Variants in TNFRSF21 observed in about 807,000 individuals in gnomAD.
TNFRSF21 encodes the protein tumor necrosis factor receptor superfamily member 21.
In TNFRSF21, 19 loss-of-function variants were observed where a neutral mutation model predicts 45.6. That is an observed-to-expected ratio of 0.42 (90% CI 0.29 to 0.61). The LOEUF (loss-of-function observed/expected upper bound fraction) is 0.61, where lower values mean the gene tolerates loss of function less well. Among genes scored for constraint, TNFRSF21 ranks in the 20% least tolerant of loss-of-function variants. The pLI, the probability that TNFRSF21 is intolerant of heterozygous loss-of-function variation, is 0.23. For missense variants in TNFRSF21, 737 were observed against 851.5 expected, an observed-to-expected ratio of 0.87 and a Z score of 1.67; for synonymous variants, 314 against 335.5, an observed-to-expected ratio of 0.94 and a Z score of 0.70.
intron 1 of TNFRSF21, among the ~76,000 whole-genome samples, chr6:47,295,705 A>G (rs1582358864): frequency 6.6e-6 from 1 of 152,366 alleles, no homozygotes; most frequent in East Asian, 1.9e-4. Context: ...GGAATGCACA[A>G]AGAGGAAAGC....
intron 4 of TNFRSF21, among the ~76,000 whole-genome samples, chr6:47,242,458 A>G (rs1215537565): frequency 6.6e-6 from 1 of 152,212 alleles, no homozygotes; most frequent in African/African-American, 2.4e-5. Flanking sequence ...ATTGAGCCCC[A>G]AAGTCTATAA....
intron 4 of TNFRSF21, among the ~76,000 whole-genome samples, chr6:47,242,648 T>C (rs1037391697): frequency 2.6e-5 from 4 of 152,232 alleles, no homozygotes; most frequent in African/African-American, 9.6e-5. Flanking sequence ...CCCGCCCCGC[T>C]ACCGGCACGG....
intron 3 of TNFRSF21, among the ~76,000 whole-genome samples, chr6:47,283,255 C>T (rs1289543874): frequency 6.6e-6 from 1 of 151,994 alleles, no homozygotes; most frequent in Non-Finnish European, 1.5e-5. Context: ...AGAGGAAAGG[C>T]CAAAATATTC....
At chr6:47,249,221 G>A (rs1764866250) in intron 4 of TNFRSF21, among the ~76,000 whole-genome samples, 1 of 152,170 alleles carries the variant, frequency 6.6e-6, no homozygotes, top group African/African-American at 2.4e-5. Context: ...TGATGGCATT[G>A]ACTTTGTCTT....
At chr6:47,301,137 G>C (rs1053718645) in intron 1 of TNFRSF21, among the ~76,000 whole-genome samples, 2 of 152,148 alleles carry the variant, frequency 1.3e-5, no homozygotes, top group African/African-American at 4.8e-5. Context: ...TTCAGTTGTT[G>C]TTCAAAGTAC....
chr6:47,241,888 A>T (rs1245369837), intron 4 of TNFRSF21, among the ~76,000 whole-genome samples: 3 of 152,316 alleles, frequency 2.0e-5, no homozygotes. Context: ...ACTTTAGTAC[A>T]TGAAGCAAGG....
intron 3 of TNFRSF21, among the ~76,000 whole-genome samples, chr6:47,275,708 T>C (rs1206352412): frequency 1.3e-5 from 2 of 152,120 alleles, no homozygotes; most frequent in African/African-American, 4.8e-5. Flanking sequence ...CACAGAGTTA[T>C]TACACATTCT....
intron 3 of TNFRSF21, among the ~76,000 whole-genome samples, chr6:47,266,279 G>T (rs1256100374): frequency 2.0e-5 from 3 of 152,128 alleles, no homozygotes; most frequent in African/African-American, 7.2e-5. Context: ...CCTAAAAGAG[G>T]AATCACACTT....
intron 3 of TNFRSF21, among the ~76,000 whole-genome samples, chr6:47,259,277 G>A (rs1465157647): frequency 6.6e-6 from 1 of 152,184 alleles, no homozygotes; most frequent in Non-Finnish European, 1.5e-5. Flanking sequence ...TGTTTAACTG[G>A]ATGTGATGCC....
intron 2 of TNFRSF21, among the ~76,000 whole-genome samples, chr6:47,285,089 G>C (rs1271625139): frequency 1.3e-5 from 2 of 152,190 alleles, no homozygotes; most frequent in South Asian, 2.1e-4. Flanking sequence ...AGCAAAGCTA[G>C]AGTGGCCATC....
chr6:47,252,111 TA>T (rs1170878387), intron 4 of TNFRSF21, among the ~76,000 whole-genome samples: 3 of 152,198 alleles, frequency 2.0e-5, no homozygotes, highest in Admixed American at 6.5e-5. Context: ...TATAAAAAGA[TA>T]AAAGCATTTG....
intron 3 of TNFRSF21, among the ~76,000 whole-genome samples, chr6:47,282,930 T>C (rs143606400): frequency 3.0e-3 from 453 of 152,332 alleles, no homozygotes; most frequent in African/African-American, 0.01. Context: ...GTTAAAAGTT[T>C]AAGATCTTTG....
At chr6:47,305,232 C>A (rs915363555) in intron 1 of TNFRSF21, among the ~76,000 whole-genome samples, 1 of 152,174 alleles carries the variant, frequency 6.6e-6, no homozygotes, top group Admixed American at 6.5e-5. Flanking sequence ...ATGGCAAGAT[C>A]CAAATCCCAA....
chr6:47,236,119 C>T (rs1338978578), intron 4 of TNFRSF21, among the ~76,000 whole-genome samples: 2 of 152,222 alleles, frequency 1.3e-5, no homozygotes, highest in African/African-American at 2.4e-5. Flanking sequence ...AGAGGGCACA[C>T]AGCTACTGGC....
At chr6:47,246,560 T>G (rs540425176) in intron 4 of TNFRSF21, among the ~76,000 whole-genome samples, 17 of 152,346 alleles carry the variant, frequency 1.1e-4, no homozygotes, top group African/African-American at 4.1e-4. Context: ...AGATTCAAAG[T>G]TCAATATCTA....
chr6:47,286,508 C>T lies in TNFRSF21; in HGVS notation c.184G>A (p.Gly62Ser), dbSNP rs148598211. Residue 62 changes from glycine to serine, a missense_variant, in exon 2 of 6, where the codon GGC (glycine) becomes AGC (serine). Transcript: ENST00000296861. ...CACTTGTCACAGGTTAGCACCTGGC[C>T]GGTGGCACGGTCAACATGGCGGTAT... is the stretch of plus-strand genomic sequence containing the variant. Reference protein sequence around the residue: ...GTYRHVDRATGQVLTCDKCPA... With the variant: ...GTYRHVDRATSQVLTCDKCPA... The T allele has an allele frequency of 3.5e-3, 5,608 of 1,614,148 alleles. 12 individuals carry two copies. The highest frequency in any genetic ancestry group is 5.6e-3 in the South Asian group (513 of 91,076).
intron 4 of TNFRSF21, among the ~76,000 whole-genome samples, chr6:47,249,669 T>C (rs1162921450): frequency 6.6e-6 from 1 of 152,214 alleles, no homozygotes; most frequent in Non-Finnish European, 1.5e-5. Flanking sequence ...TTTAGCAGTA[T>C]TAAAAGTGTA....
At position 47,253,411 on chromosome 6, in the gene TNFRSF21, A is replaced by G. The variant is rs888086780; in HGVS notation, c.1354T>C (p.Tyr452His). The change falls in exon 4 of 6, where the codon TAC (tyrosine) becomes CAC (histidine). Residue 452 changes from tyrosine to histidine, a missense_variant. Tyr to His is a moderately conservative substitution (Grantham distance 83, BLOSUM62 2). Coordinates refer to ENST00000296861, the MANE Select transcript of TNFRSF21 (RefSeq NM_014452.5). ...TAGGCCCGCTCGTGGTCGGCTGTGT[A>G]CCCATTGGAGAAAGCAGCAACCTCC... is the stretch of plus-strand genomic sequence containing the variant. ...EREVAAFSNG[Y>H]TADHERAYAA... 4.3e-6 allele frequency: 7 copies of G among 1,614,152 alleles called. No homozygotes were observed. The highest frequency in any genetic ancestry group is 5.9e-6 in the Non-Finnish European group (7 of 1,180,022).
intron 5 of TNFRSF21, among the ~76,000 whole-genome samples, chr6:47,233,796 A>C (rs1764620361): frequency 6.6e-6 from 1 of 152,000 alleles, no homozygotes; most frequent in Non-Finnish European, 1.5e-5. Flanking sequence ...CTAAAATATA[A>C]CTGGAATTAC....
Sources: allele counts gnomAD v4.1 joint callset (sites outside exome capture counted in the v4.1 genomes callset), GRCh38; gene constraint gnomAD v4.1.1; transcripts MANE v1.5; gene names NCBI Gene and HGNC (gene_info 2026-07-23, HGNC 2026-07-21).